The following ASTN2 variants were observed in gnomAD, a reference collection of about 807,000 sequenced individuals.
ASTN2 encodes astrotactin 2.
Under a neutral mutation model 139.8 loss-of-function variants are expected in ASTN2, and 54 were observed. The ratio of observed to expected loss-of-function variants is 0.39; its 90% CI spans 0.31 to 0.48. The LOEUF (loss-of-function observed/expected upper bound fraction) is 0.48. ASTN2 is among the 20% of genes least tolerant of loss of function. The pLI is 0.95. For missense variants in ASTN2, 1,565 were observed against 1,725.1 expected, an observed-to-expected ratio of 0.91 and a Z score of 1.64; for synonymous variants, 756 against 719.5, an observed-to-expected ratio of 1.05 and a Z score of -0.81.
chr9:116,838,116 G>GT (rs370249958), intron 11 of ASTN2, among the ~76,000 whole-genome samples: 2,601 of 126,448 alleles, frequency 0.021, 134 homozygotes, highest in African/African-American at 0.069. Flanking sequence ...TTTTTGTTTT[G>GT]TTTTGTTTTT....
At chr9:116,747,210 G>A (rs145996224) in intron 13 of ASTN2, among the ~76,000 whole-genome samples, 2 of 152,258 alleles carry the variant, frequency 1.3e-5, no homozygotes, top group African/African-American at 4.8e-5. Context: ...TGCAAGGTAA[G>A]CACTCTTGTT....
In ASTN2 at chr9:116,531,178, A is replaced by G. The variant is rs180926662; in HGVS notation, c.3356-43678T>C. Among the ~76,000 whole-genome samples, 3 of 152,204 alleles carry G rather than the reference A, an allele frequency of 2.0e-5. No individual in the cohort carries two copies. In the East Asian group the frequency reaches 5.8e-4, roughly 29 times the overall value. The stretch of plus-strand genomic sequence containing the variant: ...CTCTCTGTCGATGGAAACACTTATC[A>G]TCTGTGTTGTGTTTGTCCATGTTCT... On this transcript the variant is annotated intron_variant, in intron 19 of 22. Coordinates refer to ENST00000313400, the MANE Select transcript of ASTN2 (RefSeq NM_001365068.1).
intron 10 of ASTN2, among the ~76,000 whole-genome samples, chr9:116,954,094 C>T (rs1459627334): frequency 6.6e-6 from 1 of 152,114 alleles, no homozygotes; most frequent in Non-Finnish European, 1.5e-5. Flanking sequence ...ACCTGTTATT[C>T]AACTCTTATT....
intron 10 of ASTN2, among the ~76,000 whole-genome samples, chr9:116,965,106 A>G (rs991748945): frequency 2.0e-5 from 3 of 152,236 alleles, no homozygotes; most frequent in Non-Finnish European, 4.4e-5. Flanking sequence ...AAATGAGTTC[A>G]TCATGATGCT....
chr9:116,516,613 C>A (rs10983210), intron 19 of ASTN2, among the ~76,000 whole-genome samples: 6,397 of 152,292 alleles, frequency 0.042, 233 homozygotes, highest in Non-Finnish European at 0.058. Context: ...CCAAGAGAAT[C>A]CACAGACCCT....
intron 19 of ASTN2, among the ~76,000 whole-genome samples, chr9:116,510,214 T>G (rs1850309087): frequency 1.3e-5 from 2 of 152,238 alleles, no homozygotes; most frequent in Non-Finnish European, 2.9e-5. Context: ...CAGTTTCAGC[T>G]TTCTGCATAT....
chr9:116,493,194 C>A (rs1357266080), intron 19 of ASTN2, among the ~76,000 whole-genome samples: 2 of 152,148 alleles, frequency 1.3e-5, no homozygotes, highest in Non-Finnish European at 2.9e-5. Flanking sequence ...ATCTGAGCCC[C>A]ATGCACCTTT....
intron 16 of ASTN2, among the ~76,000 whole-genome samples, chr9:116,721,299 C>A (rs2132110183): frequency 6.6e-6 from 1 of 152,286 alleles, no homozygotes; most frequent in Middle Eastern, 3.4e-3. Context: ...TGTGCTTTAT[C>A]TCCAAATGAG....
intron 10 of ASTN2, among the ~76,000 whole-genome samples, chr9:116,958,959 G>C (rs1471858478): frequency 1.3e-5 from 2 of 152,176 alleles, no homozygotes; most frequent in Non-Finnish European, 2.9e-5. Flanking sequence ...GCCATGTGGG[G>C]CCTCAATTTG....
rs572058121 is a variant in ASTN2, at chr9:116,566,915, C to A, written c.3355+51409G>T. On this transcript the variant is annotated intron_variant, in intron 19 of 22. Coordinates refer to ENST00000313400, the MANE Select transcript of ASTN2 (RefSeq NM_001365068.1). ...CTCCCCCCAACCTGATGGCTCCCAC[C>A]CAGCCTTCACAGCAAACTCCCATCT... 5.9e-5 allele frequency among the ~76,000 whole-genome samples: 9 copies of A among 152,276 alleles called. No homozygotes were observed. The South Asian group carries it at 1.9e-3, about 32-fold the overall frequency.
chr9:116,661,493 C>G (rs949385561), intron 16 of ASTN2, among the ~76,000 whole-genome samples: 7 of 152,234 alleles, frequency 4.6e-5, no homozygotes, highest in Admixed American at 2.0e-4. Flanking sequence ...ATATGAATAA[C>G]AATTTGTTTC....
At chr9:117,251,684 A>G (rs376748471) in intron 2 of ASTN2, among the ~76,000 whole-genome samples, 22 of 152,250 alleles carry the variant, frequency 1.4e-4, no homozygotes, top group Non-Finnish European at 2.2e-4. Context: ...GGAGAATAAC[A>G]TGATAGAATC....
chr9:117,028,253 C>G (rs1838151800), intron 6 of ASTN2, among the ~76,000 whole-genome samples: 4 of 152,156 alleles, frequency 2.6e-5, no homozygotes, highest in Admixed American at 2.6e-4. Context: ...ATCACTCCAG[C>G]TGATGATGAG....
At chr9:116,446,928 C>T (rs1848017664) in intron 20 of ASTN2, among the ~76,000 whole-genome samples, 1 of 152,212 alleles carries the variant, frequency 6.6e-6, no homozygotes, top group Admixed American at 6.5e-5. Context: ...TCATCATTGT[C>T]AGGACATTGT....
intron 5 of ASTN2, among the ~76,000 whole-genome samples, chr9:117,047,433 T>C (rs967937013): frequency 2.0e-5 from 3 of 152,164 alleles, no homozygotes; most frequent in African/African-American, 7.2e-5. Flanking sequence ...TGGTATCCTT[T>C]AAATGATATG....
intron 6 of ASTN2, among the ~76,000 whole-genome samples, chr9:117,009,308 A>C (rs908894479): frequency 6.6e-6 from 1 of 152,176 alleles, no homozygotes. Context: ...GGAAACATAC[A>C]TATATTATAT....
chr9:117,329,489 G>C (rs1454977872), intron 1 of ASTN2, among the ~76,000 whole-genome samples: 1 of 152,122 alleles, frequency 6.6e-6, no homozygotes, highest in Non-Finnish European at 1.5e-5. Context: ...TGAAGGTAGA[G>C]ACTAAGTTCA....
chr9:116,995,219 A>G (rs1269024532), intron 7 of ASTN2, among the ~76,000 whole-genome samples: 1 of 152,198 alleles, frequency 6.6e-6, no homozygotes, highest in East Asian at 1.9e-4. Context: ...CATTCTACAT[A>G]TTTCAAAGCC....
At chr9:117,031,945 G>GT (rs1192196064) in intron 6 of ASTN2, among the ~76,000 whole-genome samples, 1 of 152,140 alleles carries the variant, frequency 6.6e-6, no homozygotes, top group African/African-American at 2.4e-5. Flanking sequence ...TGTATGCGAT[G>GT]TTTTGATATT....
Sources: gnomAD v4.1 joint callset for allele counts (sites outside exome capture counted in the v4.1 genomes callset) on GRCh38, gnomAD v4.1.1 for gene constraint, MANE v1.5 for transcripts, NCBI Gene and HGNC (gene_info 2026-07-23, HGNC 2026-07-21) for gene names.